Variants in CACNA1H observed in about 807,000 individuals in gnomAD.
The protein encoded by CACNA1H is calcium voltage-gated channel subunit alpha1 H, also known as voltage-dependent T-type calcium channel subunit alpha-1H.
CACNA1H carries 149 observed loss-of-function variants against 192.5 expected under a neutral mutation model. The ratio of observed to expected loss-of-function variants is 0.77; its 90% CI spans 0.68 to 0.89. The LOEUF (loss-of-function observed/expected upper bound fraction) is 0.89, where lower values mean the gene tolerates loss of function less well. CACNA1H is among the 40% of genes least tolerant of loss of function. The probability of loss-of-function intolerance (pLI) is 0.00; values close to 1 mark genes in which losing one functional copy is unlikely to be tolerated. For synonymous variants in CACNA1H, 2,202 were observed against 1,475.2 expected (o/e 1.49, Z -11.29); for missense variants, 4,257 against 3,423.5 (o/e 1.24, Z -6.08).
chr16:1,201,128 C>G (rs189343607), intron 8 of CACNA1H, among the ~76,000 whole-genome samples: 11 of 152,282 alleles, frequency 7.2e-5, no homozygotes, highest in African/African-American at 2.6e-4. Context: ...AGCTGGTCCT[C>G]TCATAGGCCC....
At chr16:1,219,351 G>T (rs996695258) in intron 34 of CACNA1H, among the ~76,000 whole-genome samples, 2 of 152,336 alleles carry the variant, frequency 1.3e-5, no homozygotes, top group South Asian at 4.1e-4. Flanking sequence ...AGAGCTCTTG[G>T]CTACAGGGAC....
At chr16:1,194,942 G>A (rs1316349685) in intron 2 of CACNA1H, 30 bp from the exon 3 acceptor site, 13 of 1,544,652 alleles carry the variant, frequency 8.4e-6, no homozygotes, top group South Asian at 1.1e-5. Flanking sequence ...CCCGGGCCGC[G>A]CCGGTGTGCT....
intron 5 of CACNA1H, among the ~76,000 whole-genome samples, chr16:1,198,088 CCTG>C (rs1458056783): frequency 6.6e-6 from 1 of 152,186 alleles, no homozygotes; most frequent in African/African-American, 2.4e-5. Context: ...GGATCCCAGA[CCTG>C]CTGCAGAGAC....
intron 2 of CACNA1H, among the ~76,000 whole-genome samples, chr16:1,190,164 C>G (rs1003638833): frequency 1.3e-5 from 2 of 152,238 alleles, no homozygotes; most frequent in East Asian, 1.9e-4. Context: ...TGGCTGGGTT[C>G]CCTGACCGTT....
chr16:1,174,411 C>T (rs1330894198), intron 2 of CACNA1H, among the ~76,000 whole-genome samples: 1 of 152,220 alleles, frequency 6.6e-6, no homozygotes, highest in Admixed American at 6.5e-5. Context: ...GGATGGGGGG[C>T]TCCATCTCGG....
chr16:1,217,816 A>T (rs775126465), intron 31 of CACNA1H, 103 bp from the exon 32 acceptor site: 33 of 1,411,854 alleles, frequency 2.3e-5, no homozygotes, highest in Non-Finnish European at 3.0e-5. Context: ...CCTCCGGGCT[A>T]TCCTGCCTCT....
chr16:1,159,983 G>A (rs1333426854), intron 2 of CACNA1H: 1 of 152,474 alleles, frequency 6.6e-6, no homozygotes, highest in African/African-American at 2.4e-5. Context: ...TGGAGCTGCA[G>A]AAGAGACGTC....
intron 1 of CACNA1H, 61 bp from the exon 2 acceptor site, chr16:1,153,659 G>T (rs1961879528): frequency 9.3e-7 from 1 of 1,069,662 alleles, no homozygotes; most frequent in Non-Finnish European, 1.2e-6. Flanking sequence ...GCAGCTCCGC[G>T]CCGCGGGAGG....
Position 1,202,342 on chromosome 16 carries a change from G to T in CACNA1H, c.1892G>T (p.Gly631Val). The T allele has an allele frequency of 6.4e-7, 1 of 1,572,270 alleles. No individual in the cohort carries two copies. Among genetic ancestry groups the T allele is most frequent in the Non-Finnish European group, 8.6e-7 (1 of 1,161,094 alleles). Residue 631 changes from glycine to valine, a missense_variant, in exon 9 of 35, where the codon GGA becomes GTA. By Grantham distance (109) the Gly-to-Val change is moderately radical. Coordinates refer to ENST00000348261, the MANE Select transcript of CACNA1H (RefSeq NM_021098.3). The part of the protein sequence containing the change: ...VGSGKGSTSP[G>V]PKGKWAGGPP... ...AGCGGCAAAGGCAGCACCAGCCCCGGACCCAAGGGGAAGTGGGCCGGTGGA... is the reference window on the plus strand; with the variant it reads ...AGCGGCAAAGGCAGCACCAGCCCCGTACCCAAGGGGAAGTGGGCCGGTGGA...
intron 6 of CACNA1H, 29 bp downstream of exon 6, chr16:1,198,803 C>G (rs373451546): frequency 6.3e-7 from 1 of 1,589,704 alleles, no homozygotes; most frequent in Non-Finnish European, 8.6e-7. Context: ...CGTGAGGCCC[C>G]TGCCCAGATG....
intron 8 of CACNA1H, 96 bp from the exon 9 acceptor site, chr16:1,201,547 TCGCCCACTGTGCCTGTGACG>T (rs1302049746): frequency 7.8e-7 from 1 of 1,282,132 alleles, no homozygotes; most frequent in African/African-American, 1.5e-5. Context: ...GCAGGGCACC[TCGCCCACTGTGCCTGTGACG>T]CGGCCCCCAC....
chr16:1,188,516 C>A (rs1397807352), intron 2 of CACNA1H, among the ~76,000 whole-genome samples: 1 of 151,942 alleles, frequency 6.6e-6, no homozygotes, highest in East Asian at 1.9e-4. Context: ...TAGCAGCTGC[C>A]AGGGTTCCCG....
At chr16:1,199,964 C>G (rs866130188) in intron 6 of CACNA1H, among the ~76,000 whole-genome samples, 2 of 149,534 alleles carry the variant, frequency 1.3e-5, no homozygotes, top group African/African-American at 4.9e-5. Context: ...CTGTCCATCC[C>G]TGTTCTTTGT....
chr16:1,175,353 C>G (rs1490993006), intron 2 of CACNA1H, among the ~76,000 whole-genome samples: 17 of 152,308 alleles, frequency 1.1e-4, no homozygotes, highest in African/African-American at 3.6e-4. Flanking sequence ...CCGCAGGTCC[C>G]TTTGGTAGTT....
chr16:1,199,563 A>C (rs954128093), intron 6 of CACNA1H, among the ~76,000 whole-genome samples: 1 of 141,890 alleles, frequency 7.0e-6, no homozygotes, highest in East Asian at 2.1e-4. Flanking sequence ...CCAACACTTC[A>C]TCCCCTCCCC....
chr16:1,204,295 C>T lies in CACNA1H; in HGVS notation c.2288C>T (p.Ala763Val). 1 of 1,604,258 alleles carries T rather than the reference C, an allele frequency of 6.2e-7. No homozygotes were observed. The highest frequency in any genetic ancestry group is 8.5e-7 in the Non-Finnish European group (1 of 1,175,528). ...GGCCCAGGCAGCCCCCAGCGGCGGG[C>T]ACAGCAGAGGGCAGCCCCGGGCGAG... ...GPGPGSPQRRAQQRAAPGEPG... is the reference protein window; with the variant it reads ...GPGPGSPQRRVQQRAAPGEPG... The change falls in exon 10 of 35, where the codon GCA (alanine) becomes GTA (valine). Residue 763 changes from alanine to valine, a missense_variant. Physicochemically the swap from Ala to Val is moderately conservative, Grantham distance 64. Coordinates refer to ENST00000348261, the MANE Select transcript of CACNA1H (RefSeq NM_021098.3).
At position 1,221,236 on chromosome 16, in the gene CACNA1H, G is replaced by A. The variant is rs779169763; in HGVS notation, c.*242G>A. The A allele has an allele frequency of 7.8e-5, 39 of 497,084 alleles. No individual in the cohort carries two copies. The highest frequency in any genetic ancestry group is 1.2e-4 in the Non-Finnish European group (35 of 284,872). The allele number at this position is 497,084 out of a possible 1,614,324, so 30.8% of individuals were successfully genotyped here. A position where few individuals can be genotyped will look rare whatever the true frequency, so the allele number is the denominator to read the frequency against. On this transcript the variant is annotated 3_prime_UTR_variant, in exon 35 of 35. Transcript: ENST00000348261. ...CCGAGTTTTGCTACCAGCCGAGGCTGTGCGGGCAACTGGGTCAGCCTCCCG... is the reference window on the plus strand; with the variant it reads ...CCGAGTTTTGCTACCAGCCGAGGCTATGCGGGCAACTGGGTCAGCCTCCCG...
rs539533296 is a variant in CACNA1H, at chr16:1,202,173, A to T, written c.1723A>T (p.Ile575Phe). The T allele has an allele frequency of 6.4e-7, 1 of 1,552,164 alleles. No homozygotes were observed. Among genetic ancestry groups the T allele is most frequent in the Admixed American group, 1.9e-5 (1 of 51,318 alleles). The stretch of plus-strand genomic sequence containing the variant: ...CCCCGACGCAGAGTCTGTGCACAGC[A>T]TCTACCATGCCGACTGCCACATAGA... ...GPPDAESVHS[I>F]YHADCHIEGP... Residue 575 changes from isoleucine (I) to phenylalanine (F), a missense_variant, in exon 9 of 35, where the codon ATC (isoleucine) becomes TTC (phenylalanine). Physicochemically the swap from Ile to Phe is conservative, Grantham distance 21 (BLOSUM62 0). Coordinates refer to ENST00000348261, the MANE Select transcript of CACNA1H (RefSeq NM_021098.3).
At chr16:1,209,808 A>T (rs1969207257) in intron 17 of CACNA1H, among the ~76,000 whole-genome samples, 1 of 151,944 alleles carries the variant, frequency 6.6e-6, no homozygotes, top group South Asian at 2.1e-4. Context: ...GGCCCCGTGG[A>T]CTCCAGCACG....
Sources: gnomAD v4.1 joint callset for allele counts (sites outside exome capture counted in the v4.1 genomes callset) on GRCh38, gnomAD v4.1.1 for gene constraint, MANE v1.5 for transcripts, NCBI Gene and HGNC (gene_info 2026-07-23, HGNC 2026-07-21) for gene names.